The following PTPRK variants were observed in gnomAD, a reference collection of about 807,000 sequenced individuals.
PTPRK encodes protein tyrosine phosphatase receptor type K, also known as receptor-type tyrosine-protein phosphatase kappa.
Under a neutral mutation model 178.0 loss-of-function variants are expected in PTPRK, and 75 were observed. The observed-to-expected ratio is 0.42, with a 90% CI of 0.35 to 0.51. The LOEUF is 0.51. PTPRK is among the 20% of genes least tolerant of loss of function. The pLI is 0.02. For synonymous variants in PTPRK, 637 were observed against 620.6 expected, an observed-to-expected ratio of 1.03 and a Z score of -0.39; for missense variants, 1,441 against 1,797.8, an observed-to-expected ratio of 0.80 and a Z score of 3.59.
chr6:128,162,162 T>C (rs967660013), intron 7 of PTPRK, among the ~76,000 whole-genome samples: 2 of 151,656 alleles, frequency 1.3e-5, no homozygotes, highest in African/African-American at 2.4e-5. Context: ...TGTTTATCTA[T>C]TATGTTGAAC....
At chr6:128,025,255 G>A (rs150652019) in intron 13 of PTPRK, among the ~76,000 whole-genome samples, 1 of 152,324 alleles carries the variant, frequency 6.6e-6, no homozygotes, top group East Asian at 1.9e-4. Context: ...TAGTTTGTAT[G>A]AATTCATATA....
chr6:128,049,182 G>GT (rs1320000034), intron 13 of PTPRK, among the ~76,000 whole-genome samples: 1 of 152,032 alleles, frequency 6.6e-6, no homozygotes, highest in Non-Finnish European at 1.5e-5. Flanking sequence ...GAAATGTCAG[G>GT]TTTTTTAAGA....
intron 8 of PTPRK, among the ~76,000 whole-genome samples, chr6:128,087,691 T>A (rs543634164): frequency 6.2e-4 from 94 of 152,272 alleles, no homozygotes; most frequent in African/African-American, 2.2e-3. Flanking sequence ...CATGTTTGGT[T>A]ACCTCAAACA....
intron 13 of PTPRK, among the ~76,000 whole-genome samples, chr6:128,038,017 A>G (rs990552089): frequency 6.6e-6 from 1 of 152,232 alleles, no homozygotes; most frequent in African/African-American, 2.4e-5. Flanking sequence ...ATCAAAAAAC[A>G]GTATATATAG....
At chr6:128,337,394 T>C (rs746832755) in intron 2 of PTPRK, among the ~76,000 whole-genome samples, 22 of 152,100 alleles carry the variant, frequency 1.4e-4, no homozygotes, top group Non-Finnish European at 2.8e-4. Context: ...TACCCAATCC[T>C]CCAGTGAGAA....
At position 128,361,973 on chromosome 6, in the gene PTPRK, C is replaced by T. The variant is rs77776445; in HGVS notation, c.223+35593G>A. ...CAGAGTATGATACAAACCAGATTTG[C>T]ACTAATATAAATTTATCTTTCGTAT... On this transcript the variant is annotated intron_variant, in intron 2 of 29. Coordinates refer to ENST00000368226, the MANE Select transcript of PTPRK (RefSeq NM_002844.4). Among the ~76,000 whole-genome samples, 795 of 152,150 alleles carry T rather than the reference C, an allele frequency of 5.2e-3. 7 individuals are homozygous for T. Among genetic ancestry groups the T allele is most frequent in the African/African-American group, 0.018 (751 of 41,498 alleles).
At chr6:128,513,438 G>A (rs1265425149) in intron 1 of PTPRK, among the ~76,000 whole-genome samples, 3 of 149,510 alleles carry the variant, frequency 2.0e-5, no homozygotes, top group Admixed American at 6.7e-5. Flanking sequence ...AGCCGAGATC[G>A]TGCCACTGCA....
At chr6:128,078,963 G>A in intron 10 of PTPRK, 45 bp from the exon 11 acceptor site, 1 of 1,269,530 alleles carries the variant, frequency 7.9e-7, no homozygotes, top group Non-Finnish European at 1.2e-6. Context: ...TTAATTTACA[G>A]TAATATATCA....
At chr6:128,277,910 T>G (rs1820987752) in intron 3 of PTPRK, among the ~76,000 whole-genome samples, 1 of 151,804 alleles carries the variant, frequency 6.6e-6, no homozygotes, top group Non-Finnish European at 1.5e-5. Flanking sequence ...AAAATGGGCA[T>G]GATATGAGAA....
chr6:128,461,340 T>C (rs1008367406), intron 1 of PTPRK, among the ~76,000 whole-genome samples: 4 of 152,066 alleles, frequency 2.6e-5, no homozygotes, highest in African/African-American at 9.7e-5. Flanking sequence ...ACTGAAGCTA[T>C]AAAATGCATT....
At chr6:128,146,699 A>G (rs1392485379) in intron 7 of PTPRK, among the ~76,000 whole-genome samples, 1 of 151,998 alleles carries the variant, frequency 6.6e-6, no homozygotes, top group African/African-American at 2.4e-5. Flanking sequence ...AAGTGCTGGG[A>G]TTACAGGCAT....
At chr6:128,196,765 C>T (rs1804923671) in intron 6 of PTPRK, among the ~76,000 whole-genome samples, 1 of 152,084 alleles carries the variant, frequency 6.6e-6, no homozygotes, top group South Asian at 2.1e-4. Flanking sequence ...TTGATAAATA[C>T]CATGCCTTTA....
At chr6:128,382,401 A>G (rs1321692223) in intron 2 of PTPRK, among the ~76,000 whole-genome samples, 1 of 132,364 alleles carries the variant, frequency 7.6e-6, no homozygotes, top group Admixed American at 9.6e-5. Context: ...GAAAACCTAT[A>G]TGAAAATTCT....
intron 2 of PTPRK, among the ~76,000 whole-genome samples, chr6:128,350,251 A>G (rs1832950424): frequency 6.6e-6 from 1 of 152,182 alleles, no homozygotes; most frequent in African/African-American, 2.4e-5. Context: ...CAAGGTAGAA[A>G]GTATTAAAGG....
chr6:128,500,467 G>C (rs990344260), intron 1 of PTPRK: 1 of 152,004 alleles, frequency 6.6e-6, no homozygotes, highest in Non-Finnish European at 1.5e-5. Flanking sequence ...ATTATGCTTA[G>C]CTAATTCAGC....
At chr6:128,006,131 A>T in intron 14 of PTPRK, 1 of 1,026,844 alleles carries the variant, frequency 9.7e-7, no homozygotes, top group Non-Finnish European at 1.4e-6. Flanking sequence ...ACATTCAATA[A>T]AGCAGAAAAA....
At chr6:128,059,576 C>A (rs982453331) in intron 13 of PTPRK, among the ~76,000 whole-genome samples, 1 of 152,064 alleles carries the variant, frequency 6.6e-6, no homozygotes, top group Non-Finnish European at 1.5e-5. Context: ...TACAGCATTA[C>A]AAATTAGGTT....
At chr6:128,356,874 G>A (rs945065342) in intron 2 of PTPRK, among the ~76,000 whole-genome samples, 5 of 152,134 alleles carry the variant, frequency 3.3e-5, no homozygotes, top group Non-Finnish European at 4.4e-5. Flanking sequence ...ATACCCCTGC[G>A]TCCAATTTTA....
At chr6:128,204,449 A>G (rs541984463) in intron 6 of PTPRK, among the ~76,000 whole-genome samples, 2 of 152,328 alleles carry the variant, frequency 1.3e-5, no homozygotes, top group East Asian at 3.9e-4. Context: ...ACTTCTGCAC[A>G]GCAAAAGAAA....
Sources: gnomAD v4.1 joint callset for allele counts (sites outside exome capture counted in the v4.1 genomes callset) on GRCh38, gnomAD v4.1.1 for gene constraint, MANE v1.5 for transcripts, NCBI Gene and HGNC (gene_info 2026-07-23, HGNC 2026-07-21) for gene names.